The following ZNF569 variants were observed in gnomAD, a reference collection of about 807,000 sequenced individuals.
The protein encoded by ZNF569 is DNA-binding protein.
In ZNF569, 38 loss-of-function variants were observed where a neutral mutation model predicts 56.3. The ratio of observed to expected loss-of-function variants is 0.68; its 90% CI spans 0.52 to 0.88. ZNF569 has a LOEUF of 0.88. Among genes scored for constraint, ZNF569 ranks in the 40% least tolerant of loss-of-function variants. The probability of loss-of-function intolerance (pLI) is 0.00; values close to 1 mark genes in which losing one functional copy is unlikely to be tolerated. For synonymous variants in ZNF569, 241 were observed against 262.9 expected (o/e 0.92, Z 0.81); for missense variants, 666 against 809.2 (o/e 0.82, Z 2.15).
At chr19:37,452,554 T>C (rs2041611851) in intron 2 of ZNF569, among the ~76,000 whole-genome samples, 1 of 152,180 alleles carries the variant, frequency 6.6e-6, no homozygotes, top group Non-Finnish European at 1.5e-5. Flanking sequence ...TTTTGCCAAG[T>C]ATAGTATTCC....
chr19:37,436,238 C>T (rs1600317252), intron 3 of ZNF569, among the ~76,000 whole-genome samples: 2 of 152,114 alleles, frequency 1.3e-5, no homozygotes, highest in South Asian at 4.1e-4. Context: ...CCTGAATGAT[C>T]ACTAGGTCAA....
At chr19:37,461,222 A>G (rs1225021150) in intron 2 of ZNF569, among the ~76,000 whole-genome samples, 1 of 152,128 alleles carries the variant, frequency 6.6e-6, no homozygotes, top group Non-Finnish European at 1.5e-5. Flanking sequence ...TACTGAAATA[A>G]TGGGTCTAGT....
At chr19:37,469,084 T>G, upstream of ZNF569, 1 of 1,030,230 alleles carries the variant, frequency 9.7e-7, no homozygotes, top group African/African-American at 1.7e-5. Context: ...GCCCGTGTAG[T>G]GTGACGCTGG....
intron 2 of ZNF569, among the ~76,000 whole-genome samples, chr19:37,452,263 T>C (rs915128873): frequency 6.6e-6 from 1 of 152,244 alleles, no homozygotes; most frequent in Non-Finnish European, 1.5e-5. Flanking sequence ...AGTGTATCTT[T>C]TAACATATTT....
intron 2 of ZNF569, chr19:37,454,699 C>T (rs3760825): frequency 0.22 from 131,199 of 589,618 alleles, 17,799 homozygotes; most frequent in African/African-American, 0.47. Context: ...TTGGGATTCC[C>T]AGAGGAAAAG....
At chr19:37,425,774 T>A (rs1292158264) in intron 5 of ZNF569, 94 bp downstream of exon 5, 6 of 1,079,496 alleles carry the variant, frequency 5.6e-6, no homozygotes, top group Non-Finnish European at 8.3e-6. Context: ...TCTGAAAATA[T>A]CTTTGAAGAA....
chr19:37,414,151 T>C lies in ZNF569; in HGVS notation c.507A>G (p.Glu169=), dbSNP rs374997645. 3.3e-5 allele frequency: 53 copies of C among 1,613,562 alleles called. No homozygotes were observed. Among genetic ancestry groups the C allele is most frequent in the Middle Eastern group, 3.3e-4 (2 of 6,080 alleles). ...AGCTATTACCATATGATTTCACAGG[T>C]TCATTATATTCACAATGCTCCTTTC... is the stretch of plus-strand genomic sequence containing the variant. ...LMRKEHCEYN[E]PVKSYGNSSS... is the part of the protein sequence containing the mutation. The change falls in exon 6 of 6, where the codon GAA becomes GAG. Residue 169 remains glutamate, a synonymous_variant. Transcript: ENST00000316950.
intron 3 of ZNF569, among the ~76,000 whole-genome samples, chr19:37,435,977 G>A (rs1381325170): frequency 6.6e-6 from 1 of 152,112 alleles, no homozygotes; most frequent in Non-Finnish European, 1.5e-5. Context: ...GACTTAATCT[G>A]CACTACAGAT....
chr19:37,443,852 CAA>C (rs1201588423), intron 3 of ZNF569, among the ~76,000 whole-genome samples: 14 of 114,532 alleles, frequency 1.2e-4, no homozygotes, highest in East Asian at 2.5e-4. Flanking sequence ...ACTAAAAATA[CAA>C]AAAAAAAAAA....
chr19:37,445,069 A>G, intron 2 of ZNF569, 105 bp from the exon 3 acceptor site: 1 of 829,466 alleles, frequency 1.2e-6, no homozygotes, highest in Non-Finnish European at 1.9e-6. Flanking sequence ...TGATAATTAA[A>G]TCTATCAGAA....
At chr19:37,427,505 T>C (rs1472570682) in intron 3 of ZNF569, among the ~76,000 whole-genome samples, 1 of 152,228 alleles carries the variant, frequency 6.6e-6, no homozygotes, top group Non-Finnish European at 1.5e-5. Flanking sequence ...TATTTCCTAC[T>C]GTTTCAGGAA....
At chr19:37,419,264 G>C (rs1170374630) in intron 5 of ZNF569, among the ~76,000 whole-genome samples, 1 of 151,948 alleles carries the variant, frequency 6.6e-6, no homozygotes, top group Non-Finnish European at 1.5e-5. Flanking sequence ...TGATAATCTT[G>C]ACTAAATATA....
intron 3 of ZNF569, among the ~76,000 whole-genome samples, chr19:37,436,256 A>G (rs1431924034): frequency 6.6e-6 from 1 of 152,144 alleles, no homozygotes; most frequent in East Asian, 1.9e-4. Flanking sequence ...CAATGAAGAA[A>G]TTAAGAAGAA....
chr19:37,453,237 G>C (rs927234653), intron 2 of ZNF569, among the ~76,000 whole-genome samples: 1 of 152,142 alleles, frequency 6.6e-6, no homozygotes, highest in Non-Finnish European at 1.5e-5. Context: ...ACCAGGGGCA[G>C]TATCTCCAGC....
chr19:37,426,080 G>T, intron 4 of ZNF569, 117 bp from the exon 5 acceptor site: 1 of 1,327,830 alleles, frequency 7.5e-7, no homozygotes, highest in Non-Finnish European at 1.1e-6. Context: ...GGCTTCGGGG[G>T]TTCTGTCCCC....
chr19:37,420,838 G>A (rs1004763110), intron 5 of ZNF569, among the ~76,000 whole-genome samples: 1 of 151,816 alleles, frequency 6.6e-6, no homozygotes, highest in African/African-American at 2.4e-5. Flanking sequence ...ATCCATCAGA[G>A]GAATCATTAC....
Position 37,426,001 on chromosome 19 carries a change from C to T in ZNF569, c.143-38G>A, listed in dbSNP as rs541560266. 2.1e-5 allele frequency: 34 copies of T among 1,603,314 alleles called. 1 individual carries two copies. The South Asian group carries it at 3.5e-4, about 17-fold the overall frequency. On this transcript the variant is annotated intron_variant, in intron 4 of 5. Coordinates refer to ENST00000316950, the MANE Select transcript of ZNF569 (RefSeq NM_152484.3). ...AGTTACATAGATTTGGGCATACATA[C>T]TAGGAACAAAGAACCACCCAAAAAT... is the stretch of plus-strand genomic sequence containing the variant.
chr19:37,465,033 C>T (rs1046781211), intron 2 of ZNF569, among the ~76,000 whole-genome samples: 1 of 152,188 alleles, frequency 6.6e-6, no homozygotes, highest in African/African-American at 2.4e-5. Flanking sequence ...CCACTACTCT[C>T]CCCTTCAATT....
In ZNF569 at chr19:37,448,848, C is replaced by T. The variant is rs528481792; in HGVS notation, c.-43-3884G>A. The stretch of plus-strand genomic sequence containing the variant: ...AAAGAGCCACCGCATCCGGCCTATG[C>T]TGTAATCTTTAATATCCGTTTCCTT... On this transcript the variant is annotated intron_variant, in intron 2 of 5. Coordinates refer to ENST00000316950, the MANE Select transcript of ZNF569 (RefSeq NM_152484.3). 9.9e-5 allele frequency among the ~76,000 whole-genome samples: 15 copies of T among 152,196 alleles called. No homozygotes were observed. The East Asian group carries it at 2.3e-3, about 24-fold the overall frequency.
Sources: allele counts gnomAD v4.1 joint callset (sites outside exome capture counted in the v4.1 genomes callset), GRCh38; gene constraint gnomAD v4.1.1; transcripts MANE v1.5; gene names NCBI Gene and HGNC (gene_info 2026-07-23, HGNC 2026-07-21).